Variants in FSHR observed in about 807,000 individuals in gnomAD.
FSHR encodes the protein follicle stimulating hormone receptor.
Under a neutral mutation model 52.1 loss-of-function variants are expected in FSHR, and 46 were observed. That is an observed-to-expected ratio of 0.88 (90% CI 0.70 to 1.13). The LOEUF is 1.13. FSHR is among the 50% of genes most tolerant of loss of function. The pLI is 0.00. For synonymous variants in FSHR, 399 were observed against 309.6 expected (o/e 1.29, Z -3.03); for missense variants, 964 against 834.6 (o/e 1.16, Z -1.91).
chr2:49,127,858 T>G (rs1672105504), intron 1 of FSHR, among the ~76,000 whole-genome samples: 1 of 36,088 alleles, frequency 2.8e-5, no homozygotes, highest in African/African-American at 2.3e-4. Context: ...TTCTTCTTCT[T>G]CTTCTTCTTC....
At chr2:49,096,499 C>T (rs1207003551) in intron 1 of FSHR, among the ~76,000 whole-genome samples, 1 of 152,128 alleles carries the variant, frequency 6.6e-6, no homozygotes, top group African/African-American at 2.4e-5. Flanking sequence ...GGTTTCTTTT[C>T]AGGGTGATGA....
rs564848970 is a variant in FSHR at position 49,086,014 on chromosome 2, A to G, written c.153-17724T>C. Among the ~76,000 whole-genome samples the G allele has an allele frequency of 3.2e-3, 484 of 152,216 alleles. 1 individual carries two copies. Among genetic ancestry groups the G allele is most frequent in the African/African-American group, 0.011 (468 of 41,510 alleles). On this transcript the variant is annotated intron_variant, in intron 1 of 9. Transcript: ENST00000406846. ...GCATTAGGAGATATACCTAATGCTA[A>G]ATGACGAGTTAATGGGTGCAGCACA...
chr2:49,143,422 A>G (rs535400832), intron 1 of FSHR, among the ~76,000 whole-genome samples: 1 of 152,296 alleles, frequency 6.6e-6, no homozygotes, highest in Non-Finnish European at 1.5e-5. Flanking sequence ...TAATCACTGT[A>G]CAAAACATAT....
intron 4 of FSHR, among the ~76,000 whole-genome samples, chr2:48,993,684 G>T (rs980703148): frequency 6.6e-6 from 1 of 152,094 alleles, no homozygotes; most frequent in Non-Finnish European, 1.5e-5. Context: ...ACTTCTTACT[G>T]CCTACTCTTG....
chr2:48,963,091 A>T lies in FSHR; in HGVS notation c.1730T>A (p.Leu577His). ...DTRIAKRMAMLIFTDFLCMAP... is the reference protein window; with the variant it reads ...DTRIAKRMAMHIFTDFLCMAP... ...CATGCAGAGGAAGTCAGTGAAGATG[A>T]GCATGGCCATGCGCTTGGCGATCCT... is the stretch of plus-strand genomic sequence containing the variant. Residue 577 changes from leucine to histidine, a missense_variant, in exon 10 of 10, where the codon CTC becomes CAC. Coordinates refer to ENST00000406846, the MANE Select transcript of FSHR (RefSeq NM_000145.4). 4 of 1,614,098 alleles carry T rather than the reference A, an allele frequency of 2.5e-6. No homozygotes were observed. In the East Asian group the frequency reaches 8.9e-5, roughly 36 times the overall value.
At chr2:49,034,367 G>T (rs1668207646) in intron 2 of FSHR, among the ~76,000 whole-genome samples, 3 of 152,192 alleles carry the variant, frequency 2.0e-5, no homozygotes, top group Admixed American at 2.0e-4. Flanking sequence ...AGCAAAGAAT[G>T]TGGTTAACTT....
intron 2 of FSHR, among the ~76,000 whole-genome samples, chr2:49,055,721 A>G (rs1669039356): frequency 6.6e-6 from 1 of 152,084 alleles, no homozygotes; most frequent in Non-Finnish European, 1.5e-5. Flanking sequence ...TTCTTAGCAC[A>G]AACATTACAG....
intron 1 of FSHR, among the ~76,000 whole-genome samples, chr2:49,102,923 G>A (rs1671087098): frequency 6.6e-6 from 1 of 152,012 alleles, no homozygotes; most frequent in South Asian, 2.1e-4. Flanking sequence ...GATTGTAAAA[G>A]CTTTTATTCT....
chr2:49,017,509 G>C lies in FSHR; in HGVS notation c.354C>G (p.Asn118Lys). 2.5e-6 allele frequency: 4 copies of C among 1,613,242 alleles called. No homozygotes were observed. The highest frequency in any genetic ancestry group is 3.4e-6 in the Non-Finnish European group (4 of 1,179,408). Residue 118 changes from asparagine (N) to lysine (K), a missense_variant, in exon 4 of 10, where the codon AAC (asparagine) becomes AAG (lysine). Asn to Lys is a moderately conservative substitution (Grantham distance 94). Coordinates refer to ENST00000406846, the MANE Select transcript of FSHR (RefSeq NM_000145.4). ...CTTACAGATATTGAAGGTTGGGAAG[G>C]TTCTGGAAGGCCTCAGGGTTGATGT... ...LLYINPEAFQ[N>K]LPNLQYLLIS...
intron 1 of FSHR, among the ~76,000 whole-genome samples, chr2:49,086,955 A>T (rs769430054): frequency 6.6e-6 from 1 of 151,616 alleles, no homozygotes; most frequent in Non-Finnish European, 1.5e-5. Flanking sequence ...ATTTTAAAAG[A>T]TACTCATGTG....
At chr2:48,983,219 C>T (rs189566420) in intron 6 of FSHR, 53 bp from the exon 7 acceptor site, 69 of 1,535,518 alleles carry the variant, frequency 4.5e-5, no homozygotes, top group Admixed American at 3.0e-4. Context: ...AAACAATACA[C>T]GGGTTTCATA....
At chr2:49,133,554 A>G (rs902180875) in intron 1 of FSHR, among the ~76,000 whole-genome samples, 1 of 152,192 alleles carries the variant, frequency 6.6e-6, no homozygotes, top group African/African-American at 2.4e-5. Context: ...TCTTCACAGA[A>G]TTGGAAAAAA....
intron 1 of FSHR, among the ~76,000 whole-genome samples, chr2:49,150,003 G>A (rs1384068677): frequency 4.6e-5 from 7 of 152,070 alleles, no homozygotes; most frequent in East Asian, 1.9e-4. Flanking sequence ...ACATCATTAC[G>A]TCCATACTGT....
At chr2:49,042,170 A>G (rs1483247044) in intron 2 of FSHR, among the ~76,000 whole-genome samples, 1 of 152,156 alleles carries the variant, frequency 6.6e-6, no homozygotes, top group Non-Finnish European at 1.5e-5. Flanking sequence ...AGGAAAGTAC[A>G]CATTCTTCCA....
At chr2:48,981,738 C>T (rs1675257025) in intron 8 of FSHR, among the ~76,000 whole-genome samples, 1 of 152,166 alleles carries the variant, frequency 6.6e-6, no homozygotes, top group Non-Finnish European at 1.5e-5. Context: ...AAGTCTAATT[C>T]TAGAGGTACA....
intron 1 of FSHR, among the ~76,000 whole-genome samples, chr2:49,071,226 A>G (rs1025065963): frequency 1.3e-5 from 2 of 152,316 alleles, no homozygotes; most frequent in Admixed American, 6.5e-5. Flanking sequence ...AGAGATCTCA[A>G]CAAATCCCAG....
At chr2:49,054,873 A>G (rs1669001517) in intron 2 of FSHR, among the ~76,000 whole-genome samples, 1 of 152,164 alleles carries the variant, frequency 6.6e-6, no homozygotes, top group African/African-American at 2.4e-5. Context: ...CCCAAGACTC[A>G]TCCAAATGAA....
At chr2:49,128,656 G>T (rs1672150296) in intron 1 of FSHR, among the ~76,000 whole-genome samples, 1 of 149,570 alleles carries the variant, frequency 6.7e-6, no homozygotes, top group African/African-American at 2.5e-5. Flanking sequence ...AGGGAGAATT[G>T]TCCAGGAAGG....
rs549112187 is a variant in FSHR, at chr2:49,002,997, G to C, written c.375-12360C>G. The stretch of plus-strand genomic sequence containing the variant: ...CCTTGCAAGTCCTTCAAGCATGCCA[G>C]GCTTTCTCTTCTTAGCACTGCTATC... On this transcript the variant is annotated intron_variant, in intron 4 of 9. Coordinates refer to ENST00000406846, the MANE Select transcript of FSHR (RefSeq NM_000145.4). Among the ~76,000 whole-genome samples, 35 of 152,254 alleles carry C rather than the reference G, an allele frequency of 2.3e-4. No individual in the cohort carries two copies. In the South Asian group the frequency reaches 7.0e-3, roughly 31 times the overall value.
Sources: gnomAD v4.1 joint callset for allele counts (sites outside exome capture counted in the v4.1 genomes callset) on GRCh38, gnomAD v4.1.1 for gene constraint, MANE v1.5 for transcripts, NCBI Gene and HGNC (gene_info 2026-07-23, HGNC 2026-07-21) for gene names.